The following ZKSCAN2 variants were observed in gnomAD, a reference collection of about 807,000 sequenced individuals.
The protein encoded by ZKSCAN2 is zinc finger protein with KRAB and SCAN domains 2.
In ZKSCAN2, 38 loss-of-function variants were observed where a neutral mutation model predicts 90.5. The observed-to-expected ratio is 0.42, with a 90% CI of 0.32 to 0.55. The LOEUF (loss-of-function observed/expected upper bound fraction) is 0.55, where lower values mean the gene tolerates loss of function less well. Among genes scored for constraint, ZKSCAN2 ranks in the 20% least tolerant of loss-of-function variants. ZKSCAN2 has a pLI of 0.11. For missense variants in ZKSCAN2, 1,167 were observed against 1,202.6 expected (o/e 0.97, Z 0.44); for synonymous variants, 429 against 421.6 (o/e 1.02, Z -0.22).
intron 6 of ZKSCAN2, among the ~76,000 whole-genome samples, chr16:25,241,752 C>T (rs1476222361): frequency 2.0e-5 from 3 of 152,232 alleles, no homozygotes; most frequent in Non-Finnish European, 4.4e-5. Flanking sequence ...CATTACTTTC[C>T]TTCCACACAT....
intron 3 of ZKSCAN2, 110 bp from the exon 4 acceptor site, chr16:25,252,145 C>T (rs1193104783): frequency 7.9e-7 from 1 of 1,273,124 alleles, no homozygotes; most frequent in Non-Finnish European, 1.1e-6. Context: ...AATCAAGGAA[C>T]AAGTGGATAG....
At position 25,240,715 on chromosome 16, in the gene ZKSCAN2, T is replaced by A; in HGVS notation, c.2005A>T (p.Lys669Ter). The A allele has an allele frequency of 6.2e-7, 1 of 1,604,732 alleles. No homozygotes were observed. Among genetic ancestry groups the A allele is most frequent in the Non-Finnish European group, 8.5e-7 (1 of 1,173,292 alleles). The change falls in exon 7 of 7, where the codon AAG (lysine) becomes TAG (stop). Residue 669 changes from lysine (K) to a stop codon, truncating the protein, a stop_gained. Coordinates refer to ENST00000328086, the MANE Select transcript of ZKSCAN2 (RefSeq NM_001012981.5). LOFTEE classifies it high-confidence loss of function. ...TATACTATCTGTGTTGGATCCTCCTTGATGCTACTTCCGATTTCAAAATCT... is the reference window on the plus strand; with the variant it reads ...TATACTATCTGTGTTGGATCCTCCTAGATGCTACTTCCGATTTCAAAATCT... ...PNDFEIGSSI[K>*]EDPTQIVYKD...
At position 25,257,475 on chromosome 16, in the gene ZKSCAN2, A is replaced by G. The variant is rs1465729206; in HGVS notation, c.-348T>C. On this transcript the variant is annotated 5_prime_UTR_variant, in exon 1 of 7. Coordinates refer to ENST00000328086, the MANE Select transcript of ZKSCAN2 (RefSeq NM_001012981.5). ...CTGAGGAAAGGCTGGGCGGAGGCGG[A>G]CAGCCGGGCCGGGAGGGGGTGTGTC... is the stretch of plus-strand genomic sequence containing the variant. 2.0e-6 allele frequency: 2 copies of G among 1,017,678 alleles called. No individual in the cohort carries two copies. Among genetic ancestry groups the G allele is most frequent in the East Asian group, 9.2e-5 (1 of 10,872 alleles). 63.0% of individuals were successfully genotyped at this position (1,017,678 alleles called of 1,614,324 possible). A position where few individuals can be genotyped will look rare whatever the true frequency, so the allele number is the denominator to read the frequency against.
intron 4 of ZKSCAN2, among the ~76,000 whole-genome samples, chr16:25,248,242 A>C (rs1029196954): frequency 1.3e-5 from 2 of 151,108 alleles, no homozygotes; most frequent in African/African-American, 4.9e-5. Context: ...AGTAAAAATA[A>C]ATGAGTGGGA....
rs1222689871 is a variant in ZKSCAN2, at chr16:25,256,865, A to G, written c.263T>C (p.Leu88Pro). Residue 88 changes from leucine (L) to proline (P), a missense_variant, in exon 1 of 7, where the codon CTG becomes CCG. By Grantham distance (98) the Leu-to-Pro change is moderately conservative (BLOSUM62 -3). Transcript: ENST00000328086. Reference protein sequence around the residue: ...MRSKEQILELLVIEQFLTILP... With the variant: ...MRSKEQILELPVIEQFLTILP... ...AATGGTGAGAAACTGCTCAATCACC[A>G]GCAGCTCAAGTATTTGCTCCTTGGA... The G allele has an allele frequency of 1.2e-6, 2 of 1,614,124 alleles. No homozygotes were observed.
chr16:25,250,469 G>A (rs555755879), intron 4 of ZKSCAN2, among the ~76,000 whole-genome samples: 1 of 152,298 alleles, frequency 6.6e-6, no homozygotes, highest in Non-Finnish European at 1.5e-5. Context: ...GTTGCCAGGG[G>A]CTTGGGTAAG....
chr16:25,245,771 GAA>G (rs71385530), intron 5 of ZKSCAN2, among the ~76,000 whole-genome samples: 20 of 120,120 alleles, frequency 1.7e-4, no homozygotes, highest in Non-Finnish European at 1.9e-4. Flanking sequence ...CACCGTCTCG[GAA>G]AAAAAAAAAA....
At position 25,236,457 on chromosome 16, in the gene ZKSCAN2, G is replaced by C; in HGVS notation, c.*3359C>G. 1 of 152,384 alleles carries C rather than the reference G, an allele frequency of 6.6e-6. No individual in the cohort carries two copies. Among genetic ancestry groups the C allele is most frequent in the East Asian group, 1.9e-4 (1 of 5,196 alleles). 9.4% of individuals were successfully genotyped at this position (152,384 alleles called of 1,614,324 possible). ...ACAGGACAGCTGGGCCGGCAGCCTG[G>C]TCTTCTAACCTCTTCCGCATCTATA... On this transcript the variant is annotated 3_prime_UTR_variant, in exon 7 of 7. Coordinates refer to ENST00000328086, the MANE Select transcript of ZKSCAN2 (RefSeq NM_001012981.5).
rs192496847 is a variant in ZKSCAN2 at position 25,256,411 on chromosome 16, C to T, written c.399+318G>A. 2.4e-4 allele frequency among the ~76,000 whole-genome samples: 36 copies of T among 151,184 alleles called. 1 individual carries two copies. Among genetic ancestry groups the T allele is most frequent in the African/African-American group, 8.0e-4 (33 of 41,124 alleles). On this transcript the variant is annotated intron_variant, in intron 1 of 6. Transcript: ENST00000328086. ...AAAATGCGTAAGTGAACCTCTGTGA[C>T]GCAAAACCATATTGTTCTCTTATAT... is the stretch of plus-strand genomic sequence containing the variant.
chr16:25,256,654 G>A (rs1167083064), intron 1 of ZKSCAN2, 75 bp downstream of exon 1: 3 of 1,481,492 alleles, frequency 2.0e-6, no homozygotes, highest in Admixed American at 4.4e-5. Flanking sequence ...ACGTCTTTCT[G>A]CAATACATCC....
intron 3 of ZKSCAN2, 41 bp from the exon 4 acceptor site, chr16:25,252,076 A>T: frequency 1.9e-6 from 3 of 1,608,658 alleles, no homozygotes; most frequent in Non-Finnish European, 2.5e-6. Context: ...AGATAACTGC[A>T]CAGGTCTTCA....
rs772673796 is a variant in ZKSCAN2 at position 25,240,292 on chromosome 16, T to G, written c.2428A>C (p.Lys810Gln). The G allele has an allele frequency of 6.2e-7, 1 of 1,614,162 alleles. No homozygotes were observed. Among genetic ancestry groups the G allele is most frequent in the Non-Finnish European group, 8.5e-7 (1 of 1,180,030 alleles). Residue 810 changes from lysine (K) to glutamine (Q), a missense_variant, in exon 7 of 7, where the codon AAA becomes CAA. Transcript: ENST00000328086. ...EKPFKCLDCG[K>Q]SFNDSSNFGA... Reference sequence around the variant, plus strand: ...AAATTTGAGGAGTCATTAAAGCTTTTTCCACAGTCAAGACATTTAAAAGGT... The same window carrying G: ...AAATTTGAGGAGTCATTAAAGCTTTGTCCACAGTCAAGACATTTAAAAGGT...
At chr16:25,255,441 C>T in intron 1 of ZKSCAN2, 49 bp from the exon 2 acceptor site, 2 of 1,554,628 alleles carry the variant, frequency 1.3e-6, no homozygotes, top group Non-Finnish European at 1.7e-6. Context: ...AGGCCCATAT[C>T]AGGGCGAAAT....
In ZKSCAN2 at chr16:25,240,553, CCT is replaced by C; in HGVS notation, c.2165_2166del (p.Gln722ArgfsTer8). On this transcript the variant is annotated frameshift_variant, in exon 7 of 7. Coordinates refer to ENST00000328086, the MANE Select transcript of ZKSCAN2 (RefSeq NM_001012981.5). LOFTEE classifies it high-confidence loss of function. ...TCTCTAGGCTGAGACATCGGCTTTC[CCT>C]GTCTAATTCCTTGAAGATTTTCCCA... ...RQWENLQGIRQGKPMSQPRDL... is the reference protein window; with the variant it reads ...RQWENLQGIRXGKPMSQPRDL... 6.2e-7 allele frequency: 1 copy of C among 1,614,160 alleles called. No individual in the cohort carries two copies. The highest frequency in any genetic ancestry group is 8.5e-7 in the Non-Finnish European group (1 of 1,180,032).
Position 25,257,433 on chromosome 16 carries a change from G to T in ZKSCAN2, c.-306C>A, listed in dbSNP as rs111533094. ...GGAAACCGGGAGGCTGGACGACTGG[G>T]AGAAAAATGAAGCAGGCTGAGGAAA... On this transcript the variant is annotated 5_prime_UTR_variant, in exon 1 of 7. Coordinates refer to ENST00000328086, the MANE Select transcript of ZKSCAN2 (RefSeq NM_001012981.5). 3 of 1,086,526 alleles carry T rather than the reference G, an allele frequency of 2.8e-6. No homozygotes were observed. The highest frequency in any genetic ancestry group is 5.1e-5 in the Admixed American group (1 of 19,538). The allele number at this position is 1,086,526 out of a possible 1,614,324, so 67.3% of individuals were successfully genotyped here. A position where few individuals can be genotyped will look rare whatever the true frequency, so the allele number is the denominator to read the frequency against.
intron 2 of ZKSCAN2, among the ~76,000 whole-genome samples, chr16:25,254,587 T>C (rs981162244): frequency 1.3e-5 from 2 of 152,238 alleles, no homozygotes; most frequent in Admixed American, 6.5e-5. Flanking sequence ...AGAATGTAGA[T>C]CTTATTTTAT....
Position 25,238,255 on chromosome 16 carries a change from C to T in ZKSCAN2, c.*1561G>A, listed in dbSNP as rs1281496298. ...GGGAGAGAGAAGAGCAAAATAATCA[C>T]CCACAAACAGCCCTAACTCCGGTTC... On this transcript the variant is annotated 3_prime_UTR_variant, in exon 7 of 7. Transcript: ENST00000328086. 1 of 152,240 alleles carries T rather than the reference C, an allele frequency of 6.6e-6. No homozygotes were observed. Among genetic ancestry groups the T allele is most frequent in the African/African-American group, 2.4e-5 (1 of 41,424 alleles). 9.4% of individuals were successfully genotyped at this position (152,240 alleles called of 1,614,324 possible). A position where few individuals can be genotyped will look rare whatever the true frequency, so the allele number is the denominator to read the frequency against.
chr16:25,240,375 T>G lies in ZKSCAN2; in HGVS notation c.2345A>C (p.Lys782Thr). 6.2e-7 allele frequency: 1 copy of G among 1,614,176 alleles called. No individual in the cohort carries two copies. The highest frequency in any genetic ancestry group is 8.5e-7 in the Non-Finnish European group (1 of 1,180,020). ...ENPYKCGVCG[K>T]CFGRSRSLIR... ...CAGGCTCCTGCTTCTACCAAAGCAC[T>G]TCCCACAGACACCACACTTGTAAGG... The change falls in exon 7 of 7, where the codon AAG becomes ACG. Residue 782 changes from lysine (K) to threonine (T), a missense_variant. By Grantham distance (78) the Lys-to-Thr change is moderately conservative (BLOSUM62 -1). Transcript: ENST00000328086.
At chr16:25,252,413 A>G (rs1035641384) in intron 3 of ZKSCAN2, among the ~76,000 whole-genome samples, 8 of 152,158 alleles carry the variant, frequency 5.3e-5, no homozygotes, top group Non-Finnish European at 1.2e-4. Context: ...TAAGTAAAGT[A>G]ATTATATTTA....
Sources: gnomAD v4.1 joint callset for allele counts (sites outside exome capture counted in the v4.1 genomes callset) on GRCh38, gnomAD v4.1.1 for gene constraint, MANE v1.5 for transcripts, NCBI Gene and HGNC (gene_info 2026-07-23, HGNC 2026-07-21) for gene names.